SNRNP40: variants seen among roughly 807,000 people sequenced by gnomAD.
The protein encoded by SNRNP40 is small nuclear ribonucleoprotein U5 subunit 40.
In SNRNP40, 21 loss-of-function variants were observed where a neutral mutation model predicts 45.8. The ratio of observed to expected loss-of-function variants is 0.46; its 90% CI spans 0.32 to 0.66. The LOEUF is 0.66. Ranked by LOEUF, SNRNP40 falls within the 30% of genes least tolerant of loss-of-function variation. The pLI, the probability that SNRNP40 is intolerant of heterozygous loss-of-function variation, is 0.03. For synonymous variants in SNRNP40, 142 were observed against 163.8 expected, an observed-to-expected ratio of 0.87 and a Z score of 1.01; for missense variants, 344 against 439.1, an observed-to-expected ratio of 0.78 and a Z score of 1.94.
intron 8 of SNRNP40, among the ~76,000 whole-genome samples, chr1:31,263,911 G>GC (rs1488585875): frequency 2.8e-5 from 2 of 72,150 alleles, no homozygotes; most frequent in Non-Finnish European, 5.5e-5. Context: ...AAATGTACTG[G>GC]CTAAAAAAAA....
chr1:31,277,593 G>T (rs1252911586), intron 5 of SNRNP40, among the ~76,000 whole-genome samples: 2 of 152,186 alleles, frequency 1.3e-5, no homozygotes, highest in Non-Finnish European at 2.9e-5. Context: ...CAAACAAGGA[G>T]ACTGTCTCAG....
chr1:31,291,584 T>C (rs890625954), intron 3 of SNRNP40, among the ~76,000 whole-genome samples: 2 of 151,932 alleles, frequency 1.3e-5, no homozygotes, highest in Non-Finnish European at 2.9e-5. Flanking sequence ...GAGGCTGAAG[T>C]GGGAGGATCC....
chr1:31,283,467 G>A (rs1032749458), intron 4 of SNRNP40, among the ~76,000 whole-genome samples: 5 of 152,164 alleles, frequency 3.3e-5, no homozygotes, highest in African/African-American at 1.2e-4. Context: ...GCTGGTCATG[G>A]TGGTGTGCCC....
At chr1:31,283,856 G>A (rs775056523) in intron 4 of SNRNP40, among the ~76,000 whole-genome samples, 1 of 152,234 alleles carries the variant, frequency 6.6e-6, no homozygotes. Context: ...ATGAAGGTAA[G>A]CCCCTGCCTA....
intron 4 of SNRNP40, among the ~76,000 whole-genome samples, chr1:31,286,641 C>T (rs562505553): frequency 7.9e-5 from 12 of 152,302 alleles, no homozygotes; most frequent in South Asian, 4.1e-4. Context: ...TACTGCTTCA[C>T]GTACAGGCGA....
chr1:31,290,605 C>T (rs12409630), intron 3 of SNRNP40, among the ~76,000 whole-genome samples: 23,084 of 152,140 alleles, frequency 0.15, 2,419 homozygotes, highest in East Asian at 0.42. Flanking sequence ...TGGCCAGGTG[C>T]GGTGGCTCAC....
At chr1:31,277,733 C>T (rs1421392414) in intron 5 of SNRNP40, among the ~76,000 whole-genome samples, 6 of 152,112 alleles carry the variant, frequency 3.9e-5, no homozygotes, top group Non-Finnish European at 8.8e-5. Context: ...CTCTCTCTGT[C>T]GTCTAGGCTG....
chr1:31,291,265 G>GC (rs371826190), intron 3 of SNRNP40, among the ~76,000 whole-genome samples: 72 of 135,536 alleles, frequency 5.3e-4, no homozygotes, highest in African/African-American at 1.8e-3. Context: ...TCCAGCCTGG[G>GC]CAACAAGAGT....
At position 31,281,467 on chromosome 1, in the gene SNRNP40, G is replaced by T. The variant is rs35811546; in HGVS notation, c.561C>A (p.Ile187=). The change falls in exon 5 of 10, where the codon ATC becomes ATA. Residue 187 remains isoleucine (I), a synonymous_variant. Transcript: ENST00000263694. The part of the protein sequence containing the change: ...KLWDIRKKAA[I]QTFQNTYQVL... ...CCTGGTACGTGTTCTGAAATGTCTGGATGGCTGCTTTCTTCCGGATGTCCC... is the reference window on the plus strand; with the variant it reads ...CCTGGTACGTGTTCTGAAATGTCTGTATGGCTGCTTTCTTCCGGATGTCCC... 6.2e-7 allele frequency: 1 copy of T among 1,607,694 alleles called. No individual in the cohort carries two copies. The highest frequency in any genetic ancestry group is 8.5e-7 in the Non-Finnish European group (1 of 1,174,560).
intron 1 of SNRNP40, 37 bp from the exon 2 acceptor site, chr1:31,293,385 C>T: frequency 6.4e-7 from 1 of 1,556,816 alleles, no homozygotes; most frequent in South Asian, 1.2e-5. Flanking sequence ...CTACTGCATA[C>T]AGACAAAGGA....
chr1:31,294,043 A>G (rs10914343), intron 1 of SNRNP40, among the ~76,000 whole-genome samples: 7,306 of 149,228 alleles, frequency 0.049, 382 homozygotes, highest in East Asian at 0.21. Context: ...ACTGCAACCT[A>G]TGCTTTCTGG....
intron 9 of SNRNP40, among the ~76,000 whole-genome samples, 166 bp downstream of exon 9, chr1:31,261,363 A>T (rs1280595717): frequency 1.3e-5 from 2 of 152,108 alleles, no homozygotes. Flanking sequence ...ACAAAACAAA[A>T]CAAAACCCAA....
chr1:31,260,192 G>C, intron 9 of SNRNP40, 71 bp from the exon 10 acceptor site: 10 of 1,023,754 alleles, frequency 9.8e-6, no homozygotes, highest in East Asian at 2.4e-5. Flanking sequence ...GGGCTCTTGT[G>C]TCAAGAGCCA....
At chr1:31,293,136 A>G in intron 2 of SNRNP40, 83 bp downstream of exon 2, 1 of 1,466,708 alleles carries the variant, frequency 6.8e-7, no homozygotes, top group Non-Finnish European at 9.5e-7. Context: ...ATAGAGTGAT[A>G]CCTTCTGTGG....
intron 4 of SNRNP40, among the ~76,000 whole-genome samples, chr1:31,284,445 C>T (rs1304349534): frequency 6.6e-6 from 1 of 152,156 alleles, no homozygotes; most frequent in African/African-American, 2.4e-5. Flanking sequence ...CCACTGCACC[C>T]GGCCAAGACC....
intron 5 of SNRNP40, among the ~76,000 whole-genome samples, chr1:31,273,093 A>G (rs1430672308): frequency 1.3e-5 from 2 of 152,126 alleles, no homozygotes; most frequent in Non-Finnish European, 2.9e-5. Context: ...AGCCCAACAC[A>G]TTTTCTATAC....
At chr1:31,284,454 C>T (rs1045804339) in intron 4 of SNRNP40, among the ~76,000 whole-genome samples, 2 of 152,208 alleles carry the variant, frequency 1.3e-5, no homozygotes, top group Non-Finnish European at 2.9e-5. Context: ...CCGGCCAAGA[C>T]CCCATCTCTT....
chr1:31,260,176 G>T, intron 9 of SNRNP40, 55 bp from the exon 10 acceptor site: 1 of 1,265,228 alleles, frequency 7.9e-7, no homozygotes, highest in Non-Finnish European at 1.1e-6. Context: ...GAGACTTGGT[G>T]CTCAAGGGCT....
chr1:31,286,664 A>C (rs148144353), intron 4 of SNRNP40, among the ~76,000 whole-genome samples: 3 of 152,060 alleles, frequency 2.0e-5, no homozygotes, highest in Non-Finnish European at 2.9e-5. Context: ...CTTTCACCCC[A>C]TTAGGGCACT....
Sources: allele counts gnomAD v4.1 joint callset (sites outside exome capture counted in the v4.1 genomes callset), GRCh38; gene constraint gnomAD v4.1.1; transcripts MANE v1.5; gene names NCBI Gene and HGNC (gene_info 2026-07-23, HGNC 2026-07-21).